The following GPR158 variants were observed in gnomAD, a reference collection of about 807,000 sequenced individuals.
GPR158 encodes G protein-coupled receptor 158.
Under a neutral mutation model 78.2 loss-of-function variants are expected in GPR158, and 30 were observed. The ratio of observed to expected loss-of-function variants is 0.38; its 90% CI spans 0.29 to 0.52. The LOEUF (loss-of-function observed/expected upper bound fraction) is 0.52. GPR158 is among the 20% of genes least tolerant of loss of function. GPR158 has a pLI of 0.83. For missense variants in GPR158, 1,463 were observed against 1,523.5 expected (o/e 0.96, Z 0.66); for synonymous variants, 581 against 591.1 (o/e 0.98, Z 0.25).
chr10:25,260,793 C>T (rs1448095977), intron 2 of GPR158, among the ~76,000 whole-genome samples: 1 of 152,054 alleles, frequency 6.6e-6, no homozygotes, highest in Non-Finnish European at 1.5e-5. Flanking sequence ...AAAGCAACTG[C>T]CAGCTCCCAT....
At chr10:25,307,401 T>A (rs1313119759) in intron 2 of GPR158, among the ~76,000 whole-genome samples, 2 of 89,600 alleles carry the variant, frequency 2.2e-5, no homozygotes, top group East Asian at 7.9e-4. Flanking sequence ...TTTTTTTTTT[T>A]AAGACAAGGT....
At chr10:25,241,311 T>TTTCTTTTCTCTTCAC (rs1554787218) in intron 2 of GPR158, among the ~76,000 whole-genome samples, 7 of 104,588 alleles carry the variant, frequency 6.7e-5, no homozygotes, top group African/African-American at 3.1e-4. Context: ...TTTCTTTTCT[T>TTTCTTTTCTCTTCAC]TTCTCTTCTC....
At chr10:25,418,989 T>G (rs1302714982) in intron 4 of GPR158, among the ~76,000 whole-genome samples, 2 of 151,886 alleles carry the variant, frequency 1.3e-5, no homozygotes, top group Non-Finnish European at 2.9e-5. Flanking sequence ...GTGAAGTGAT[T>G]TTTTAAGTGA....
intron 5 of GPR158, among the ~76,000 whole-genome samples, chr10:25,497,092 A>G (rs1017287997): frequency 3.9e-5 from 6 of 152,166 alleles, no homozygotes; most frequent in Admixed American, 6.5e-5. Flanking sequence ...AGGAGCTCCA[A>G]GCATATTTGG....
chr10:25,491,793 AG>A (rs147284359), intron 5 of GPR158, among the ~76,000 whole-genome samples: 4,215 of 152,286 alleles, frequency 0.028, 195 homozygotes, highest in African/African-American at 0.093. Flanking sequence ...ATATCACTGA[AG>A]AACATTTTAC....
At chr10:25,400,498 T>G (rs1367048488) in intron 3 of GPR158, among the ~76,000 whole-genome samples, 1 of 152,200 alleles carries the variant, frequency 6.6e-6, no homozygotes, top group African/African-American at 2.4e-5. Flanking sequence ...GATTTGAAAT[T>G]GTGCTGGCAG....
chr10:25,496,621 T>C (rs1208037058), intron 5 of GPR158, among the ~76,000 whole-genome samples: 1 of 152,206 alleles, frequency 6.6e-6, no homozygotes, highest in Non-Finnish European at 1.5e-5. Context: ...GAACTTTAAC[T>C]GCTGAAATAG....
intron 3 of GPR158, among the ~76,000 whole-genome samples, chr10:25,403,457 A>G (rs1834471177): frequency 6.6e-6 from 1 of 152,036 alleles, no homozygotes; most frequent in Non-Finnish European, 1.5e-5. Context: ...AACAGCTGCT[A>G]CTGCCAAAGC....
At position 25,294,463 on chromosome 10, in the gene GPR158, T is replaced by C. The variant is rs551011162; in HGVS notation, c.1008+73306T>C. Among the ~76,000 whole-genome samples, 7 of 152,350 alleles carry C rather than the reference T, an allele frequency of 4.6e-5. No individual in the cohort carries two copies. In the East Asian group the frequency reaches 7.7e-4, roughly 17 times the overall value. On this transcript the variant is annotated intron_variant, in intron 2 of 10. Coordinates refer to ENST00000376351, the MANE Select transcript of GPR158 (RefSeq NM_020752.3). ...AAAGGCATCCTTTTGCTGAATTTTC[T>C]GAGTCGTGCTTGTGACTCACTGAGC... is the stretch of plus-strand genomic sequence containing the variant.
chr10:25,531,707 A>G (rs1184597051), intron 5 of GPR158, among the ~76,000 whole-genome samples: 2 of 152,212 alleles, frequency 1.3e-5, no homozygotes, highest in African/African-American at 4.8e-5. Context: ...GACAGGAATA[A>G]AAAAGGTTTT....
chr10:25,445,168 A>G (rs1462049767), intron 4 of GPR158, among the ~76,000 whole-genome samples: 1 of 152,208 alleles, frequency 6.6e-6, no homozygotes, highest in Non-Finnish European at 1.5e-5. Context: ...AATAAATGAG[A>G]AAAAAGGAAC....
intron 5 of GPR158, among the ~76,000 whole-genome samples, chr10:25,511,101 G>A (rs1037205961): frequency 6.6e-6 from 1 of 152,072 alleles, no homozygotes; most frequent in Non-Finnish European, 1.5e-5. Context: ...TTCTACTTTT[G>A]TTCTTTAAGG....
intron 4 of GPR158, among the ~76,000 whole-genome samples, chr10:25,425,148 A>G (rs565251677): frequency 6.6e-6 from 1 of 152,214 alleles, no homozygotes; most frequent in Admixed American, 6.5e-5. Flanking sequence ...TCAATTGTGA[A>G]TGGGAGTTCA....
At chr10:25,220,649 A>G (rs1290823040) in intron 1 of GPR158, among the ~76,000 whole-genome samples, 1 of 152,218 alleles carries the variant, frequency 6.6e-6, no homozygotes, top group Non-Finnish European at 1.5e-5. Context: ...GCAATGGGAA[A>G]TAGAAGTAGA....
intron 6 of GPR158, among the ~76,000 whole-genome samples, chr10:25,567,098 G>C (rs1353487014): frequency 6.6e-6 from 1 of 152,020 alleles, no homozygotes; most frequent in Non-Finnish European, 1.5e-5. Flanking sequence ...TAAGGTAATA[G>C]GACAGAAGAC....
At chr10:25,218,735 G>A (rs1047661475) in intron 1 of GPR158, among the ~76,000 whole-genome samples, 2 of 152,098 alleles carry the variant, frequency 1.3e-5, no homozygotes, top group African/African-American at 4.8e-5. Flanking sequence ...ATTATGCCTT[G>A]AACTGTGTTG....
chr10:25,257,176 G>T (rs961123459), intron 2 of GPR158, among the ~76,000 whole-genome samples: 1 of 152,186 alleles, frequency 6.6e-6, no homozygotes, highest in Non-Finnish European at 1.5e-5. Context: ...AAGCAAGTAC[G>T]TGAGACAGAG....
At chr10:25,418,092 C>A (rs1419678130) in intron 4 of GPR158, among the ~76,000 whole-genome samples, 1 of 152,052 alleles carries the variant, frequency 6.6e-6, no homozygotes, top group Non-Finnish European at 1.5e-5. Context: ...GGGCAGGAAG[C>A]AAATATGTGT....
chr10:25,479,274 C>T (rs887010376), intron 5 of GPR158, among the ~76,000 whole-genome samples: 5 of 151,946 alleles, frequency 3.3e-5, no homozygotes, highest in African/African-American at 1.2e-4. Context: ...TATGTTTCAA[C>T]TTTAGATAGT....
Sources: allele counts gnomAD v4.1 joint callset (sites outside exome capture counted in the v4.1 genomes callset), GRCh38; gene constraint gnomAD v4.1.1; transcripts MANE v1.5; gene names NCBI Gene and HGNC (gene_info 2026-07-23, HGNC 2026-07-21).